ASXL2: variants seen among roughly 807,000 people sequenced by gnomAD.
The protein encoded by ASXL2 is putative Polycomb group protein ASXL2.
Under a neutral mutation model 122.0 loss-of-function variants are expected in ASXL2, and 23 were observed. The ratio of observed to expected loss-of-function variants is 0.19; its 90% CI spans 0.14 to 0.27. ASXL2 has a LOEUF of 0.27. ASXL2 is among the 10% of genes least tolerant of loss of function. The pLI is 1.00. For missense variants in ASXL2, 1,518 were observed against 1,713.8 expected, an observed-to-expected ratio of 0.89 and a Z score of 2.02; for synonymous variants, 650 against 637.0, an observed-to-expected ratio of 1.02 and a Z score of -0.31.
At chr2:25,800,854 A>G (rs1039817273) in intron 4 of ASXL2, among the ~76,000 whole-genome samples, 1 of 152,246 alleles carries the variant, frequency 6.6e-6, no homozygotes, top group Non-Finnish European at 1.5e-5. Context: ...AGGTCAAAAA[A>G]TATCAGCTAC....
At chr2:25,785,126 T>C (rs1316064787) in intron 5 of ASXL2, among the ~76,000 whole-genome samples, 1 of 152,270 alleles carries the variant, frequency 6.6e-6, no homozygotes, top group Non-Finnish European at 1.5e-5. Flanking sequence ...TGTTTTACCA[T>C]ATTTATGATG....
intron 3 of ASXL2, among the ~76,000 whole-genome samples, chr2:25,819,587 ATAAT>A (rs1284498515): frequency 2.6e-5 from 4 of 152,226 alleles, no homozygotes; most frequent in African/African-American, 9.6e-5. Context: ...AAATCTAATC[ATAAT>A]TAAACAGCAG....
chr2:25,776,677 T>C (rs1166847948), intron 5 of ASXL2, among the ~76,000 whole-genome samples: 1 of 152,248 alleles, frequency 6.6e-6, no homozygotes, highest in African/African-American at 2.4e-5. Context: ...TCTGTCTTTT[T>C]TACTTGGCCA....
intron 12 of ASXL2, among the ~76,000 whole-genome samples, chr2:25,748,265 G>A (rs2087975338): frequency 6.6e-6 from 1 of 151,900 alleles, no homozygotes; most frequent in African/African-American, 2.4e-5. Context: ...TTGGGAGGCA[G>A]AGGAGGGCAG....
chr2:25,817,896 G>C (rs1026440437), intron 3 of ASXL2, among the ~76,000 whole-genome samples: 1 of 152,138 alleles, frequency 6.6e-6, no homozygotes, highest in Non-Finnish European at 1.5e-5. Context: ...CAAAGATCAA[G>C]AGACAAGCCA....
chr2:25,832,800 G>A (rs936061550), intron 3 of ASXL2, among the ~76,000 whole-genome samples: 2 of 152,092 alleles, frequency 1.3e-5, no homozygotes, highest in Non-Finnish European at 2.9e-5. Context: ...ATCATGCAAC[G>A]GATAAACAGT....
intron 1 of ASXL2, among the ~76,000 whole-genome samples, chr2:25,856,133 T>C (rs1471204101): frequency 1.3e-5 from 2 of 151,526 alleles, no homozygotes; most frequent in Non-Finnish European, 2.9e-5. Flanking sequence ...CTCGGGTCAC[T>C]GCAACCTCCG....
chr2:25,878,255 G>A lies in ASXL2; in HGVS notation c.-33C>T, dbSNP rs1421127834. 8 of 1,612,032 alleles carry A rather than the reference G, an allele frequency of 5.0e-6. No homozygotes were observed. The highest frequency in any genetic ancestry group is 4.5e-5 in the East Asian group (2 of 44,724). Reference sequence around the variant, plus strand: ...CTTGAACTGACTGGGAGGCTCCCGTGTCCGGGCTCCGGCCGCCCTCCCTGC... The same window carrying A: ...CTTGAACTGACTGGGAGGCTCCCGTATCCGGGCTCCGGCCGCCCTCCCTGC... On this transcript the variant is annotated 5_prime_UTR_variant, in exon 1 of 13. Transcript: ENST00000435504.
At chr2:25,817,121 C>CA (rs879525861) in intron 3 of ASXL2, among the ~76,000 whole-genome samples, 400 of 144,370 alleles carry the variant, frequency 2.8e-3, no homozygotes, top group Non-Finnish European at 3.9e-3. Context: ...GACTCTGTCT[C>CA]AAAAAAAAAA....
intron 2 of ASXL2, among the ~76,000 whole-genome samples, chr2:25,842,862 C>T (rs1352635937): frequency 1.3e-5 from 2 of 151,238 alleles, no homozygotes; most frequent in South Asian, 2.1e-4. Context: ...CGCTCTGTTG[C>T]CCAGGCTGGA....
chr2:25,851,096 ACATTGTGCCACTG>A (rs2089711484), intron 1 of ASXL2, among the ~76,000 whole-genome samples: 1 of 151,972 alleles, frequency 6.6e-6, no homozygotes, highest in South Asian at 2.1e-4. Context: ...CAATGAGCCA[ACATTGTGCCACTG>A]CACTCCAGCC....
At chr2:25,804,607 TC>T (rs1204502544) in intron 4 of ASXL2, among the ~76,000 whole-genome samples, 1 of 152,194 alleles carries the variant, frequency 6.6e-6, no homozygotes, top group African/African-American at 2.4e-5. Flanking sequence ...TCAACTGAGT[TC>T]CTGGATCCAG....
chr2:25,855,356 G>A (rs2089764290), intron 1 of ASXL2, among the ~76,000 whole-genome samples: 2 of 152,022 alleles, frequency 1.3e-5, no homozygotes, highest in African/African-American at 4.8e-5. Flanking sequence ...GACCAGCCTG[G>A]GAAACATGGT....
intron 4 of ASXL2, among the ~76,000 whole-genome samples, chr2:25,802,272 G>A (rs1435475301): frequency 6.6e-6 from 1 of 152,160 alleles, no homozygotes; most frequent in Non-Finnish European, 1.5e-5. Context: ...AGAACATTTT[G>A]AGAGCAGGCA....
At chr2:25,819,712 T>C (rs983009224) in intron 3 of ASXL2, among the ~76,000 whole-genome samples, 12 of 152,310 alleles carry the variant, frequency 7.9e-5, no homozygotes, top group Non-Finnish European at 1.5e-4. Flanking sequence ...AGAGTAAAGA[T>C]ACATGAAAAC....
rs1467046228 is a variant in ASXL2, at chr2:25,744,275, C to T, written c.2062G>A (p.Gly688Arg). Residue 688 changes from glycine to arginine, a missense_variant, in exon 13 of 13, where the codon GGG becomes AGG. Gly to Arg is a moderately radical substitution (Grantham distance 125). Around this residue, in one of 8 missense-constraint regions of ASXL2, gnomAD observed 48 missense variants for 82.1 expected, o/e 0.58. Transcript: ENST00000435504. The surrounding 1 kb of genome is among the most constrained non-coding windows in gnomAD (Gnocchi z 4.7). ...AAAAAAASVG[G>R]TIPGPGPGGG... ...CCTGGGCCAGGTCCTGGAATGGTCC[C>T]TCCAACTGAGGCGGCTGCAGCAGCT... is the stretch of plus-strand genomic sequence containing the variant. 1.9e-6 allele frequency: 3 copies of T among 1,613,454 alleles called. No homozygotes were observed. The highest frequency in any genetic ancestry group is 1.7e-5 in the Admixed American group (1 of 59,820).
intron 2 of ASXL2, among the ~76,000 whole-genome samples, chr2:25,838,257 C>T (rs933821576): frequency 6.6e-6 from 1 of 152,186 alleles, no homozygotes; most frequent in Non-Finnish European, 1.5e-5. Context: ...CTTTTAGTAC[C>T]TAGTAGGCAG....
chr2:25,821,620 G>C (rs2089312357), intron 3 of ASXL2, among the ~76,000 whole-genome samples: 1 of 152,154 alleles, frequency 6.6e-6, no homozygotes, highest in Admixed American at 6.5e-5. Context: ...TGCCTGGCCT[G>C]TTCCCATATT....
chr2:25,813,768 C>T (rs1158310202), intron 3 of ASXL2, among the ~76,000 whole-genome samples: 4 of 152,194 alleles, frequency 2.6e-5, no homozygotes, highest in African/African-American at 7.2e-5. Flanking sequence ...TACAAACTGT[C>T]GGCCGGGCGC....
Sources: allele counts gnomAD v4.1 joint callset (sites outside exome capture counted in the v4.1 genomes callset), GRCh38; gene constraint gnomAD v4.1.1; regional missense constraint gnomAD v4.1.1; non-coding constraint Gnocchi (gnomAD v3.1); transcripts MANE v1.5; gene names NCBI Gene and HGNC (gene_info 2026-07-23, HGNC 2026-07-21).